KALRN: variants seen among roughly 807,000 people sequenced by gnomAD.
KALRN encodes the protein kalirin.
Under a neutral mutation model 353.7 loss-of-function variants are expected in KALRN, and 70 were observed. The observed-to-expected ratio is 0.20, with a 90% confidence interval of 0.16 to 0.24. The LOEUF (loss-of-function observed/expected upper bound fraction) is 0.24, where lower values mean the gene tolerates loss of function less well. KALRN is among the 10% of genes least tolerant of loss of function. The pLI is 1.00. For missense variants in KALRN, 2,791 were observed against 3,756.7 expected (o/e 0.74, Z 6.72); for synonymous variants, 1,391 against 1,434.8 (o/e 0.97, Z 0.69).
intron 6 of KALRN, among the ~76,000 whole-genome samples, chr3:124,300,269 A>C (rs553260038): frequency 9.2e-5 from 14 of 152,216 alleles, no homozygotes; most frequent in Admixed American, 9.2e-4. Context: ...GTAGATAATC[A>C]TGGTGCAGCT....
intron 37 of KALRN, among the ~76,000 whole-genome samples, chr3:124,639,298 A>G (rs2081740611): frequency 6.6e-6 from 1 of 152,108 alleles, no homozygotes; most frequent in African/African-American, 2.4e-5. Flanking sequence ...TTATAATCCC[A>G]TGGTAATTAC....
chr3:124,306,574 T>A (rs890477064), intron 6 of KALRN, among the ~76,000 whole-genome samples: 2 of 151,804 alleles, frequency 1.3e-5, no homozygotes, highest in African/African-American at 4.8e-5. Context: ...CAGAAAAAAA[T>A]TATTAAATTA....
intron 3 of KALRN, among the ~76,000 whole-genome samples, chr3:124,261,591 TG>T (rs1418115564): frequency 6.6e-6 from 1 of 152,226 alleles, no homozygotes; most frequent in Non-Finnish European, 1.5e-5. Context: ...TACTCTTAGT[TG>T]TCAGAAATGA....
intron 1 of KALRN, among the ~76,000 whole-genome samples, chr3:124,192,280 C>A (rs951052384): frequency 2.0e-5 from 3 of 152,096 alleles, no homozygotes; most frequent in Admixed American, 1.3e-4. Context: ...CACAGAAAGA[C>A]AAATATCCCA....
chr3:124,679,261 C>A (rs1301539534), intron 50 of KALRN, among the ~76,000 whole-genome samples, 197 bp from the exon 51 acceptor site: 2 of 152,222 alleles, frequency 1.3e-5, no homozygotes, highest in African/African-American at 4.8e-5. Context: ...TTGTACACAA[C>A]CCCCGCCTCC....
At chr3:124,658,252 T>C (rs773589133) in intron 41 of KALRN, among the ~76,000 whole-genome samples, 179 bp from the exon 42 acceptor site, 7 of 152,210 alleles carry the variant, frequency 4.6e-5, no homozygotes, top group Non-Finnish European at 8.8e-5. Context: ...TTTGACCACC[T>C]TGGCGATTTG....
chr3:124,463,848 TA>T (rs2060082033), intron 25 of KALRN, among the ~76,000 whole-genome samples: 1 of 152,196 alleles, frequency 6.6e-6, no homozygotes, highest in South Asian at 2.1e-4. Context: ...AAAGAGAACA[TA>T]ATATATGTAG....
intron 13 of KALRN, among the ~76,000 whole-genome samples, chr3:124,410,640 G>A (rs998328131): frequency 1.3e-5 from 2 of 152,196 alleles, no homozygotes; most frequent in African/African-American, 4.8e-5. Flanking sequence ...AAACCATGAT[G>A]AAATAGCACT....
chr3:124,074,698 A>G (rs1204016909), intron 1 of KALRN, among the ~76,000 whole-genome samples: 1 of 152,188 alleles, frequency 6.6e-6, no homozygotes, highest in Non-Finnish European at 1.5e-5. Flanking sequence ...GTGTAGCTCC[A>G]TAGAGTACCT....
intron 27 of KALRN, among the ~76,000 whole-genome samples, chr3:124,480,082 G>C (rs1425839280): frequency 6.6e-6 from 1 of 152,180 alleles, no homozygotes; most frequent in African/African-American, 2.4e-5. Context: ...TGGTTTGACT[G>C]ATGTAGGCCC....
At chr3:124,286,963 A>AT (rs2075971153) in intron 5 of KALRN, among the ~76,000 whole-genome samples, 3 of 152,224 alleles carry the variant, frequency 2.0e-5, no homozygotes, top group Non-Finnish European at 2.9e-5. Flanking sequence ...AATATCTTAA[A>AT]GTCTTATTCA....
intron 1 of KALRN, among the ~76,000 whole-genome samples, chr3:124,192,622 C>T (rs2075045197): frequency 6.6e-6 from 1 of 152,204 alleles, no homozygotes. Flanking sequence ...TGTATCCAAA[C>T]ATCTCACATA....
At chr3:124,249,270 G>C (rs1317043140) in intron 3 of KALRN, among the ~76,000 whole-genome samples, 1 of 152,192 alleles carries the variant, frequency 6.6e-6, no homozygotes, top group Non-Finnish European at 1.5e-5. Flanking sequence ...TTGTGGTCTG[G>C]TTAAGGTTTC....
chr3:124,341,775 A>C (rs1478397499), intron 9 of KALRN, among the ~76,000 whole-genome samples: 1 of 152,302 alleles, frequency 6.6e-6, no homozygotes, highest in African/African-American at 2.4e-5. Flanking sequence ...CCTGTGGGCA[A>C]TAATTGTAGT....
intron 1 of KALRN, among the ~76,000 whole-genome samples, chr3:124,179,940 G>A (rs1234916578): frequency 6.6e-6 from 1 of 152,196 alleles, no homozygotes; most frequent in African/African-American, 2.4e-5. Flanking sequence ...TGGATAAGGG[G>A]GGACTACTAT....
intron 34 of KALRN, among the ~76,000 whole-genome samples, chr3:124,597,961 G>T (rs960229173): frequency 6.6e-6 from 1 of 152,150 alleles, no homozygotes; most frequent in African/African-American, 2.4e-5. Flanking sequence ...CTTATGTTTG[G>T]AGGAACAGGG....
rs1197187771 is a variant in KALRN, at chr3:124,720,855, G to A, written c.*1385G>A. 6.6e-6 allele frequency: 1 copy of A among 152,078 alleles called. No individual in the cohort carries two copies. The highest frequency in any genetic ancestry group is 1.5e-5 in the Non-Finnish European group (1 of 67,994). The allele number at this position is 152,078 out of a possible 1,614,324, so 9.4% of individuals were successfully genotyped here. A position where few individuals can be genotyped will look rare whatever the true frequency, so the allele number is the denominator to read the frequency against. On this transcript the variant is annotated 3_prime_UTR_variant, in exon 60 of 60. Transcript: ENST00000682506. ...TTTTGTTCATTTGTTTTGGAGGGAG[G>A]GAGCTTGTTTTTTGTGTTTGTACAT... is the stretch of plus-strand genomic sequence containing the variant.
chr3:124,107,307 A>G (rs1393696127), intron 1 of KALRN, among the ~76,000 whole-genome samples: 1 of 152,188 alleles, frequency 6.6e-6, no homozygotes, highest in East Asian at 1.9e-4. Context: ...CAACCCCAGT[A>G]CAAGTCCCTC....
intron 1 of KALRN, among the ~76,000 whole-genome samples, chr3:124,075,163 C>T (rs1056571185): frequency 3.9e-5 from 6 of 152,178 alleles, no homozygotes; most frequent in Middle Eastern, 3.2e-3. Flanking sequence ...TGAATGGAGG[C>T]TACATGGGCA....
Sources: gnomAD v4.1 joint callset for allele counts (sites outside exome capture counted in the v4.1 genomes callset) on GRCh38, gnomAD v4.1.1 for gene constraint, MANE v1.5 for transcripts, NCBI Gene and HGNC (gene_info 2026-07-23, HGNC 2026-07-21) for gene names.